PRKAR2A: variants seen among roughly 807,000 people sequenced by gnomAD.
The protein encoded by PRKAR2A is cAMP-dependent protein kinase type II-alpha regulatory subunit.
PRKAR2A carries 29 observed loss-of-function variants against 51.9 expected under a neutral mutation model. The observed-to-expected ratio is 0.56, with a 90% confidence interval of 0.42 to 0.76. The LOEUF (loss-of-function observed/expected upper bound fraction) is 0.76. Among genes scored for constraint, PRKAR2A ranks in the 30% least tolerant of loss-of-function variants. The probability of loss-of-function intolerance (pLI) is 0.00; values close to 1 mark genes in which losing one functional copy is unlikely to be tolerated. For missense variants in PRKAR2A, 445 were observed against 512.1 expected, an observed-to-expected ratio of 0.87 and a Z score of 1.26; for synonymous variants, 178 against 186.2, an observed-to-expected ratio of 0.96 and a Z score of 0.36.
At chr3:48,774,773 T>A (rs1269454186) in intron 5 of PRKAR2A, among the ~76,000 whole-genome samples, 1 of 152,164 alleles carries the variant, frequency 6.6e-6, no homozygotes, top group Non-Finnish European at 1.5e-5. Context: ...TATGGTCAAA[T>A]GGTATTTCAT....
intron 1 of PRKAR2A, among the ~76,000 whole-genome samples, chr3:48,829,646 G>GTGTATACGTGTGTATACACACACATAAA (rs2083142530): frequency 1.5e-5 from 2 of 135,718 alleles, no homozygotes; most frequent in African/African-American, 6.0e-5. Flanking sequence ...ACATAAATGT[G>GTGTATACGTGTGTATACACACACATAAA]TGTGTGTATA....
intron 1 of PRKAR2A, among the ~76,000 whole-genome samples, chr3:48,834,787 C>A (rs2083252988): frequency 6.7e-6 from 1 of 148,938 alleles, no homozygotes; most frequent in East Asian, 1.9e-4. Context: ...ATTTGCAAAT[C>A]ACTTATCATA....
intron 2 of PRKAR2A, among the ~76,000 whole-genome samples, chr3:48,794,699 A>C (rs2082460498): frequency 6.6e-6 from 1 of 152,108 alleles, no homozygotes; most frequent in African/African-American, 2.4e-5. Flanking sequence ...CGTCTCAAAA[A>C]AAATGAAAAG....
chr3:48,844,181 T>C (rs2083424131), intron 1 of PRKAR2A, among the ~76,000 whole-genome samples: 1 of 152,242 alleles, frequency 6.6e-6, no homozygotes, highest in East Asian at 1.9e-4. Context: ...GCAAAGGATA[T>C]GAACAGACAC....
chr3:48,836,419 TAAAAAAAAAAAA>T (rs548970318), intron 1 of PRKAR2A, among the ~76,000 whole-genome samples: 1 of 56,136 alleles, frequency 1.8e-5, no homozygotes, highest in Non-Finnish European at 3.2e-5. Context: ...AGACTCCGTC[TAAAAAAAAAAAA>T]AAAAAAAAAA....
At chr3:48,835,498 G>T (rs182728913) in intron 1 of PRKAR2A, among the ~76,000 whole-genome samples, 176 of 151,970 alleles carry the variant, frequency 1.2e-3, no homozygotes, top group African/African-American at 3.9e-3. Flanking sequence ...AAAATTAGGC[G>T]GGCGTGGTGG....
At chr3:48,842,331 T>C (rs1372430210) in intron 1 of PRKAR2A, among the ~76,000 whole-genome samples, 5 of 152,218 alleles carry the variant, frequency 3.3e-5, no homozygotes, top group African/African-American at 1.2e-4. Context: ...AATGGGGTTT[T>C]CTAGATATAC....
intron 8 of PRKAR2A, among the ~76,000 whole-genome samples, chr3:48,756,892 A>G (rs1009797466): frequency 6.6e-5 from 10 of 152,242 alleles, no homozygotes; most frequent in African/African-American, 2.4e-4. Flanking sequence ...CCAAGTGGGC[A>G]CCATACACAG....
chr3:48,813,727 A>G (rs2107379620), intron 1 of PRKAR2A, among the ~76,000 whole-genome samples: 1 of 151,682 alleles, frequency 6.6e-6, no homozygotes, highest in East Asian at 1.9e-4. Flanking sequence ...AAAACAAAAC[A>G]AAAACGCTAA....
intron 1 of PRKAR2A, among the ~76,000 whole-genome samples, chr3:48,809,504 G>A (rs2082735163): frequency 6.8e-6 from 1 of 148,086 alleles, no homozygotes; most frequent in Non-Finnish European, 1.5e-5. Flanking sequence ...TCTGAGGTAG[G>A]AGAATCACTT....
chr3:48,755,981 C>A (rs945615889), intron 9 of PRKAR2A, among the ~76,000 whole-genome samples: 1 of 151,710 alleles, frequency 6.6e-6, no homozygotes, highest in African/African-American at 2.4e-5. Flanking sequence ...AGGGTTTCAC[C>A]GTGTTAGCCA....
intron 5 of PRKAR2A, among the ~76,000 whole-genome samples, chr3:48,781,137 A>ATTTTTTTT (rs71077735): frequency 8.0e-6 from 1 of 124,324 alleles, no homozygotes. Flanking sequence ...TGCCTGGCTA[A>ATTTTTTTT]TTTTTTTTTT....
intron 2 of PRKAR2A, 39 bp downstream of exon 2, chr3:48,807,610 A>G: frequency 6.8e-7 from 1 of 1,461,658 alleles, no homozygotes; most frequent in Non-Finnish European, 9.5e-7. Context: ...CTATCTTAAA[A>G]TAACATTTTA....
At chr3:48,782,910 A>T (rs1334284513) in intron 5 of PRKAR2A, 76 bp downstream of exon 5, 1 of 1,087,524 alleles carries the variant, frequency 9.2e-7, no homozygotes, top group East Asian at 2.4e-5. Context: ...CTGAATACAG[A>T]ATAGGATAAA....
At chr3:48,801,852 T>A (rs1171263201) in intron 2 of PRKAR2A, among the ~76,000 whole-genome samples, 1 of 152,186 alleles carries the variant, frequency 6.6e-6, no homozygotes, top group African/African-American at 2.4e-5. Context: ...TTCTCCTGCC[T>A]CAGCCTCCCA....
intron 1 of PRKAR2A, among the ~76,000 whole-genome samples, chr3:48,838,433 C>A (rs938552808): frequency 6.6e-6 from 1 of 151,462 alleles, no homozygotes; most frequent in Non-Finnish European, 1.5e-5. Context: ...ATGGTGAAAC[C>A]CCATCTCTAC....
intron 5 of PRKAR2A, among the ~76,000 whole-genome samples, chr3:48,781,914 A>C (rs776759297): frequency 7.2e-5 from 11 of 152,020 alleles, no homozygotes; most frequent in Non-Finnish European, 1.5e-4. Flanking sequence ...TCAAAGTGCT[A>C]GGATTACAGG....
chr3:48,812,763 G>A (rs757288504), intron 1 of PRKAR2A, among the ~76,000 whole-genome samples: 11 of 152,192 alleles, frequency 7.2e-5, no homozygotes, highest in African/African-American at 1.2e-4. Flanking sequence ...ATTACAAGGC[G>A]TGAGCCACTG....
chr3:48,777,837 T>C (rs1343058613), intron 5 of PRKAR2A, among the ~76,000 whole-genome samples: 4 of 152,158 alleles, frequency 2.6e-5, no homozygotes, highest in Non-Finnish European at 5.9e-5. Flanking sequence ...TACCACTCAG[T>C]AGGGAAGCTG....
Sources: allele counts gnomAD v4.1 joint callset (sites outside exome capture counted in the v4.1 genomes callset), GRCh38; gene constraint gnomAD v4.1.1; transcripts MANE v1.5; gene names NCBI Gene and HGNC (gene_info 2026-07-23, HGNC 2026-07-21).